The following STK11IP variants were observed in gnomAD, a reference collection of about 807,000 sequenced individuals.
STK11IP encodes the protein serine/threonine-protein kinase 11-interacting protein.
In STK11IP, 103 loss-of-function variants were observed where a neutral mutation model predicts 131.7. The ratio of observed to expected loss-of-function variants is 0.78; its 90% confidence interval spans 0.67 to 0.92. The LOEUF is 0.92. Ranked by LOEUF, STK11IP falls within the 40% of genes least tolerant of loss-of-function variation. The pLI is 0.00. For missense variants in STK11IP, 1,315 were observed against 1,385.7 expected (o/e 0.95, Z 0.81); for synonymous variants, 557 against 575.6 (o/e 0.97, Z 0.46).
At chr2:219,613,678 G>A in intron 20 of STK11IP, 74 bp from the exon 21 acceptor site, 1 of 1,578,324 alleles carries the variant, frequency 6.3e-7, no homozygotes, top group South Asian at 1.1e-5. Context: ...GGCAGGTGCA[G>A]CTGGGGCAGG....
Position 219,611,705 on chromosome 2 carries a change from C to T in STK11IP, c.2206C>T (p.Leu736=), listed in dbSNP as rs1303700028. 1 of 1,613,118 alleles carries T rather than the reference C, an allele frequency of 6.2e-7. No individual in the cohort carries two copies. The highest frequency in any genetic ancestry group is 1.7e-5 in the Admixed American group (1 of 60,026). Residue 736 remains leucine (L), a synonymous_variant, in exon 18 of 25, where the codon CTG becomes TTG. Transcript: ENST00000456909. ...NRERKQGEQS[L]APSPSASPVC... The stretch of plus-strand genomic sequence containing the variant: ...GGAGCGGAAACAGGGAGAGCAGTCT[C>T]TGGCTCCTTCTCCGTCTGCCAGCCC...
intron 7 of STK11IP, among the ~76,000 whole-genome samples, chr2:219,604,560 A>T (rs1315373895): frequency 6.6e-6 from 1 of 152,162 alleles, no homozygotes; most frequent in Non-Finnish European, 1.5e-5. Context: ...TTAATGGGGG[A>T]CATTTCTATG....
Position 219,602,031 on chromosome 2 carries a change from T to G in STK11IP, c.386T>G (p.Ile129Ser), listed in dbSNP as rs1698003550. The change falls in exon 5 of 25, where the codon ATC (isoleucine) becomes AGC (serine). Residue 129 changes from isoleucine (I) to serine (S), a missense_variant. Ile to Ser is a moderately radical substitution (Grantham distance 142). Coordinates refer to ENST00000456909, the MANE Select transcript of STK11IP (RefSeq NM_052902.4). ...CACTGTCTGCATGGCCTCCGAGGCA[T>G]CTACTCCCAGCTGGAGACCCTGATT... ...PLHCLHGLRG[I>S]YSQLETLICS... 6.2e-7 allele frequency: 1 copy of G among 1,611,874 alleles called. No individual in the cohort carries two copies. The highest frequency in any genetic ancestry group is 1.3e-5 in the African/African-American group (1 of 74,884).
intron 17 of STK11IP, among the ~76,000 whole-genome samples, chr2:219,611,272 G>A (rs1192323104): frequency 6.6e-6 from 1 of 152,186 alleles, no homozygotes; most frequent in Non-Finnish European, 1.5e-5. Context: ...GGAGAGCCCT[G>A]AAGTACTTGA....
chr2:219,608,199 G>C lies in STK11IP; in HGVS notation c.1372G>C (p.Ala458Pro), dbSNP rs763793832. Residue 458 changes from alanine to proline, a missense_variant, in exon 14 of 25, where the codon GCC becomes CCC. Physicochemically the swap from Ala to Pro is conservative, Grantham distance 27. Transcript: ENST00000456909. Reference protein sequence around the residue: ...PTTSAPSAPPASSQGPDTAPR... With the variant: ...PTTSAPSAPPPSSQGPDTAPR... ...TACTTCTGCACCCAGTGCACCTCCAGCCAGCTCCCAGGGCCCCGACACTGC... is the reference window on the plus strand; with the variant it reads ...TACTTCTGCACCCAGTGCACCTCCACCCAGCTCCCAGGGCCCCGACACTGC... 5.0e-6 allele frequency: 8 copies of C among 1,613,510 alleles called. No homozygotes were observed. Among genetic ancestry groups the C allele is most frequent in the Non-Finnish European group, 6.8e-6 (8 of 1,179,890 alleles).
intron 7 of STK11IP, chr2:219,605,399 G>T: frequency 2.0e-6 from 1 of 510,436 alleles, no homozygotes; most frequent in Non-Finnish European, 3.5e-6. Flanking sequence ...GAGTTGCCAT[G>T]CTCAGGGTGT....
At position 219,616,260 on chromosome 2, in the gene STK11IP, T is replaced by G; in HGVS notation, c.*67T>G. On this transcript the variant is annotated 3_prime_UTR_variant, in exon 25 of 25. Transcript: ENST00000456909. ...TGTAGACATTCCCTCTCCTGGTCTC[T>G]GGGTCTGGCTTCCAGGCTCTGGCTG... 1 of 1,532,458 alleles carries G rather than the reference T, an allele frequency of 6.5e-7. No homozygotes were observed. Among genetic ancestry groups the G allele is most frequent in the Non-Finnish European group, 8.8e-7 (1 of 1,136,630 alleles). The allele number at this position is 1,532,458 out of a possible 1,614,324, so 94.9% of individuals were successfully genotyped here. A position where few individuals can be genotyped will look rare whatever the true frequency, so the allele number is the denominator to read the frequency against.
At position 219,607,120 on chromosome 2, in the gene STK11IP, T is replaced by G; in HGVS notation, c.1202T>G (p.Leu401Arg). ...GATACGGACCCGGAGCCCCGAACTC[T>G]GAACCCCTCTCCGGCTGGTAAGTCA... ...PSDTDPEPRT[L>R]NPSPAGWFVQ... The change falls in exon 13 of 25, where the codon CTG (leucine) becomes CGG (arginine). Residue 401 changes from leucine (L) to arginine (R), a missense_variant. Physicochemically the swap from Leu to Arg is moderately radical, Grantham distance 102. Coordinates refer to ENST00000456909, the MANE Select transcript of STK11IP (RefSeq NM_052902.4). 6.2e-7 allele frequency: 1 copy of G among 1,613,930 alleles called. No individual in the cohort carries two copies. Among genetic ancestry groups the G allele is most frequent in the Non-Finnish European group, 8.5e-7 (1 of 1,179,884 alleles).
At chr2:219,605,370 C>A in intron 7 of STK11IP, 1 of 431,746 alleles carries the variant, frequency 2.3e-6, no homozygotes, top group Non-Finnish European at 4.2e-6. Flanking sequence ...TTTTCCCAGG[C>A]AGGAATTTAA....
chr2:219,608,470 C>T, intron 14 of STK11IP, 40 bp downstream of exon 14: 1 of 1,532,138 alleles, frequency 6.5e-7, no homozygotes, highest in Non-Finnish European at 8.8e-7. Context: ...AGGCCAGGGG[C>T]CCTTGGGATG....
At chr2:219,615,515 A>C (rs547584198) in intron 24 of STK11IP, among the ~76,000 whole-genome samples, 174 bp downstream of exon 24, 133 of 21,186 alleles carry the variant, frequency 6.3e-3, no homozygotes, top group Middle Eastern at 0.042. Flanking sequence ...GCTTGGATGA[A>C]TATCAAGTCA....
chr2:219,602,845 T>C, intron 7 of STK11IP, 69 bp downstream of exon 7: 1 of 1,468,488 alleles, frequency 6.8e-7, no homozygotes. Flanking sequence ...CTCTCTCTCC[T>C]TGACCAGCTT....
intron 20 of STK11IP, 148 bp from the exon 21 acceptor site, chr2:219,613,604 G>T (rs1225290543): frequency 1.2e-6 from 1 of 833,408 alleles, no homozygotes; most frequent in Non-Finnish European, 1.9e-6. Flanking sequence ...GGTGAGTGAG[G>T]GAGGAGATGG....
chr2:219,608,126 C>G lies in STK11IP; in HGVS notation c.1299C>G (p.Tyr433Ter), dbSNP rs535956219. 2 of 1,613,314 alleles carry G rather than the reference C, an allele frequency of 1.2e-6. No homozygotes were observed. Among genetic ancestry groups the G allele is most frequent in the African/African-American group, 1.3e-5 (1 of 74,920 alleles). ...RERFGRNWLQYRSHLEPSGNP... is the reference protein window; with the variant it reads ...RERFGRNWLQ ...GGTTCGGCCGCAACTGGCTGCAGTA[C>G]AGGAGTCACCTGGAGCCCTCCGGAA... The change falls in exon 14 of 25, where the codon TAC becomes TAG. Residue 433 changes from tyrosine to a stop codon, truncating the protein, a stop_gained. Transcript: ENST00000456909. LOFTEE classifies it high-confidence loss of function.
intron 17 of STK11IP, among the ~76,000 whole-genome samples, chr2:219,611,080 G>A (rs1047687837): frequency 1.3e-5 from 2 of 152,146 alleles, no homozygotes; most frequent in African/African-American, 4.8e-5. Context: ...CTAAGGATGA[G>A]TATAAGATAG....
At chr2:219,601,192 C>G in intron 2 of STK11IP, 43 bp from the exon 3 acceptor site, 1 of 1,534,190 alleles carries the variant, frequency 6.5e-7, no homozygotes, top group Non-Finnish European at 8.9e-7. Context: ...AGAGAAAAAT[C>G]TTTTCACTGT....
rs764933484 is a variant in STK11IP at position 219,602,724 on chromosome 2, G to A, written c.566G>A (p.Arg189His). 26 of 1,613,174 alleles carry A rather than the reference G, an allele frequency of 1.6e-5. No individual in the cohort carries two copies. Among genetic ancestry groups the A allele is most frequent in the Admixed American group, 3.3e-5 (2 of 59,842 alleles). Reference protein sequence around the residue: ...DSSLRLLSALRFLNLSHNQVQ... With the variant: ...DSSLRLLSALHFLNLSHNQVQ... ...TCTCAGCGCCTCTTGTCAGCTCTGC[G>A]TTTCTTGAACCTAAGCCACAATCAA... The change falls in exon 7 of 25, where the codon CGT becomes CAT. Residue 189 changes from arginine to histidine, a missense_variant. By Grantham distance (29) the Arg-to-His change is conservative (BLOSUM62 0). Coordinates refer to ENST00000456909, the MANE Select transcript of STK11IP (RefSeq NM_052902.4).
chr2:219,609,156 T>C lies in STK11IP; in HGVS notation c.1869T>C (p.Pro623=), dbSNP rs765180010. ...GTCTGCGCTTCTCCTACATCTGCCC[T>C]GACCGGCAGTTGCGTCGCTATTTGG... The part of the protein sequence containing the change: ...ILSLRFSYIC[P]DRQLRRYLVL... Residue 623 remains proline (P), a synonymous_variant, in exon 16 of 25, where the codon CCT becomes CCC. Transcript: ENST00000456909. The C allele has an allele frequency of 2.5e-6, 4 of 1,610,662 alleles. No individual in the cohort carries two copies. Among genetic ancestry groups the C allele is most frequent in the East Asian group, 4.5e-5 (2 of 44,824 alleles).
chr2:219,606,684 C>G (rs779513502), intron 11 of STK11IP, 28 bp from the exon 12 acceptor site: 29 of 1,598,286 alleles, frequency 1.8e-5, no homozygotes, highest in African/African-American at 4.0e-5. Flanking sequence ...GCTCCAACCT[C>G]TCTCTCCTTC....
Sources: gnomAD v4.1 joint callset for allele counts (sites outside exome capture counted in the v4.1 genomes callset) on GRCh38, gnomAD v4.1.1 for gene constraint, MANE v1.5 for transcripts, NCBI Gene and HGNC (gene_info 2026-07-23, HGNC 2026-07-21) for gene names.